The following PHYH variants were observed in gnomAD, a reference collection of about 807,000 sequenced individuals.
PHYH encodes phytanoyl-CoA 2-hydroxylase, also known as phytanoyl-CoA dioxygenase, peroxisomal.
A neutral mutation model predicts 38.5 loss-of-function variants in PHYH; 32 were observed. The observed-to-expected ratio is 0.83, with a 90% CI of 0.63 to 1.12. The LOEUF (loss-of-function observed/expected upper bound fraction) is 1.12. Ranked by LOEUF, PHYH falls within the 50% of genes most tolerant of loss-of-function variation. The pLI, the probability that PHYH is intolerant of heterozygous loss-of-function variation, is 0.00. For synonymous variants in PHYH, 166 were observed against 157.9 expected (o/e 1.05, Z -0.38); for missense variants, 426 against 434.8 (o/e 0.98, Z 0.18).
chr10:13,280,094 G>A (rs887579266), intron 8 of PHYH, among the ~76,000 whole-genome samples: 22 of 152,024 alleles, frequency 1.4e-4, no homozygotes, highest in Non-Finnish European at 2.1e-4. Context: ...TCAGCCTCCC[G>A]AGTAGCTGGG....
At chr10:13,298,921 AAAATAATAATAATAAT>A (rs1429907595) in intron 1 of PHYH, among the ~76,000 whole-genome samples, 1,156 of 84,030 alleles carry the variant, frequency 0.014, 19 homozygotes, top group African/African-American at 0.029. Flanking sequence ...CTCCGTCTCA[AAAATAATAATAATAAT>A]AATAATAATA....
chr10:13,283,103 G>A (rs1357922563), intron 7 of PHYH, among the ~76,000 whole-genome samples: 1 of 150,456 alleles, frequency 6.6e-6, no homozygotes, highest in Non-Finnish European at 1.5e-5. Flanking sequence ...TTACAGGCAT[G>A]AGCCACTGCA....
intron 2 of PHYH, among the ~76,000 whole-genome samples, chr10:13,296,301 G>A (rs2484527): frequency 0.49 from 73,919 of 151,694 alleles, 19,134 homozygotes; most frequent in East Asian, 0.72. Context: ...AGTGGGCCGG[G>A]CACAGTGGCT....
In PHYH at chr10:13,300,038, TC is replaced by T; in HGVS notation, c.4del (p.Glu2SerfsTer25). MEQLRAAARLQI... is the reference protein window; with the variant it reads MXQLRAAARLQI... ...CAGACGGGCGGCGGCGCGAAGCTGC[TC>T]CATGGCTGCGGCGCGGGGAACCCCC... On this transcript the variant is annotated frameshift_variant, in exon 1 of 9. Transcript: ENST00000263038. LOFTEE classifies it high-confidence loss of function. 6.5e-7 allele frequency: 1 copy of T among 1,530,884 alleles called. No homozygotes were observed. The highest frequency in any genetic ancestry group is 8.7e-7 in the Non-Finnish European group (1 of 1,144,020). The allele number at this position is 1,530,884 out of a possible 1,614,324, so 94.8% of individuals were successfully genotyped here.
intron 7 of PHYH, among the ~76,000 whole-genome samples, chr10:13,283,012 G>A (rs949755490): frequency 6.6e-6 from 1 of 151,890 alleles, no homozygotes; most frequent in Non-Finnish European, 1.5e-5. Context: ...GTAGAAGTGG[G>A]GTCTCGCCAT....
chr10:13,295,044 G>A (rs1588516584), intron 3 of PHYH: 2 of 294,562 alleles, frequency 6.8e-6, no homozygotes, highest in Middle Eastern at 2.4e-3. Flanking sequence ...ATTAAGTGGT[G>A]GAGCTGAGAC....
intron 4 of PHYH, among the ~76,000 whole-genome samples, chr10:13,292,318 A>G (rs1835732277): frequency 6.6e-6 from 1 of 152,206 alleles, no homozygotes; most frequent in South Asian, 2.1e-4. Flanking sequence ...GCCCGGAAGA[A>G]AGCAGAATGG....
intron 1 of PHYH, chr10:13,299,532 C>A: frequency 9.9e-7 from 1 of 1,007,216 alleles, no homozygotes; most frequent in Non-Finnish European, 1.2e-6. Flanking sequence ...CGGGAGGGCA[C>A]CGTCCTCTCC....
rs376864993 is a variant in PHYH, at chr10:13,292,358, C to T, written c.415-446G>A. ...TTGGAGGACATTTGACAATCGGGGACGCTTGGCACTTGACAACTCATTACT... is the reference window on the plus strand; with the variant it reads ...TTGGAGGACATTTGACAATCGGGGATGCTTGGCACTTGACAACTCATTACT... On this transcript the variant is annotated intron_variant, in intron 4 of 8. Transcript: ENST00000263038. 4.3e-4 allele frequency among the ~76,000 whole-genome samples: 65 copies of T among 152,276 alleles called. 1 individual carries two copies. The South Asian group carries it at 0.013, about 30-fold the overall frequency.
At chr10:13,293,844 T>C (rs956019787) in intron 4 of PHYH, among the ~76,000 whole-genome samples, 1 of 152,104 alleles carries the variant, frequency 6.6e-6, no homozygotes, top group African/African-American at 2.4e-5. Context: ...TAAATATCTA[T>C]TAAAATAATT....
chr10:13,297,127 A>G (rs1410885309), intron 2 of PHYH, among the ~76,000 whole-genome samples: 4 of 152,112 alleles, frequency 2.6e-5, no homozygotes, highest in Non-Finnish European at 5.9e-5. Flanking sequence ...TTAGAAATGG[A>G]ATTAGGGATG....
chr10:13,299,896 G>A lies in PHYH; in HGVS notation c.75+72C>T. The A allele has an allele frequency of 2.0e-6, 3 of 1,471,334 alleles. No homozygotes were observed. In the South Asian group the frequency reaches 3.9e-5, roughly 19 times the overall value. 91.1% of individuals were successfully genotyped at this position (1,471,334 alleles called of 1,614,324 possible). On this transcript the variant is annotated intron_variant, in intron 1 of 8. Coordinates refer to ENST00000263038, the MANE Select transcript of PHYH (RefSeq NM_006214.4). Reference sequence around the variant, plus strand: ...CGTGCGACCCCGAGGCCTCCACCCGGACCAGGGCCACCACTCAGGCGGCGG... The same window carrying A: ...CGTGCGACCCCGAGGCCTCCACCCGAACCAGGGCCACCACTCAGGCGGCGG...
chr10:13,296,261 T>TA (rs1234397501), intron 2 of PHYH, among the ~76,000 whole-genome samples: 2 of 68,060 alleles, frequency 2.9e-5, no homozygotes, highest in Non-Finnish European at 7.2e-5. Flanking sequence ...TCTGAAAACT[T>TA]ACGCTTTATG....
At position 13,287,122 on chromosome 10, in the gene PHYH, C is replaced by T. The variant is rs368618050; in HGVS notation, c.678+1238G>A. On this transcript the variant is annotated intron_variant, in intron 6 of 8. Coordinates refer to ENST00000263038, the MANE Select transcript of PHYH (RefSeq NM_006214.4). ...TTGGGAGGCAGAGGTGGGCGGATCA[C>T]GAGTTAAAGAGATCAGGACCATCCT... Among the ~76,000 whole-genome samples the T allele has an allele frequency of 8.0e-4, 122 of 152,192 alleles. 3 individuals carry two copies. The East Asian group carries it at 0.019, about 23-fold the overall frequency.
intron 5 of PHYH, among the ~76,000 whole-genome samples, chr10:13,290,629 G>A (rs1835686046): frequency 6.6e-6 from 1 of 152,046 alleles, no homozygotes; most frequent in African/African-American, 2.4e-5. Context: ...TTGAACTCCT[G>A]GGCTCCAGCG....
chr10:13,286,294 G>A (rs1255572390), intron 6 of PHYH, among the ~76,000 whole-genome samples: 1 of 152,106 alleles, frequency 6.6e-6, no homozygotes, highest in Non-Finnish European at 1.5e-5. Flanking sequence ...TTGAAGAGCC[G>A]ATTTGATCCC....
chr10:13,285,606 CTTT>C (rs36040564), intron 6 of PHYH, among the ~76,000 whole-genome samples: 3 of 127,524 alleles, frequency 2.4e-5, no homozygotes, highest in Admixed American at 8.1e-5. Context: ...CTTTTCTTTT[CTTT>C]TTTTTTTTTT....
At chr10:13,284,196 G>A (rs1390752027) in intron 6 of PHYH, among the ~76,000 whole-genome samples, 2 of 152,098 alleles carry the variant, frequency 1.3e-5, no homozygotes, top group Admixed American at 6.6e-5. Context: ...GGTGGTGCCA[G>A]CCTGTGGTCC....
Position 13,288,493 on chromosome 10 carries a change from G to A in PHYH, c.545C>T (p.Pro182Leu), listed in dbSNP as rs771679396. Reference protein sequence around the residue: ...HPLHQDLHYFPFRPSDLIVCA... With the variant: ...HPLHQDLHYFLFRPSDLIVCA... ...AACGATGAGATCGCTGGGCCTGAAG[G>A]GGAAATAGTGCAGGTCCTGGTGCAG... Residue 182 changes from proline (P) to leucine (L), a missense_variant, in exon 6 of 9, where the codon CCC becomes CTC. By Grantham distance (98) the Pro-to-Leu change is moderately conservative (BLOSUM62 -3). Coordinates refer to ENST00000263038, the MANE Select transcript of PHYH (RefSeq NM_006214.4). The A allele has an allele frequency of 2.5e-6, 4 of 1,614,228 alleles. No individual in the cohort carries two copies. The highest frequency in any genetic ancestry group is 1.3e-5 in the African/African-American group (1 of 75,064).
Sources: allele counts gnomAD v4.1 joint callset (sites outside exome capture counted in the v4.1 genomes callset), GRCh38; gene constraint gnomAD v4.1.1; transcripts MANE v1.5; gene names NCBI Gene and HGNC (gene_info 2026-07-23, HGNC 2026-07-21).